DNAJC6: variants seen among roughly 807,000 people sequenced by gnomAD.
DNAJC6 encodes auxilin.
Under a neutral mutation model 110.0 loss-of-function variants are expected in DNAJC6, and 34 were observed. That is an observed-to-expected ratio of 0.31 (90% CI 0.24 to 0.41). DNAJC6 has a LOEUF of 0.41. Ranked by LOEUF, DNAJC6 falls within the 10% of genes least tolerant of loss-of-function variation. DNAJC6 has a pLI of 1.00. For missense variants in DNAJC6, 1,031 were observed against 1,207.8 expected, an observed-to-expected ratio of 0.85 and a Z score of 2.17; for synonymous variants, 406 against 437.2, an observed-to-expected ratio of 0.93 and a Z score of 0.89.
upstream of DNAJC6, chr1:65,309,418 G>C: frequency 2.3e-6 from 1 of 437,452 alleles, no homozygotes; most frequent in Non-Finnish European, 3.2e-6. Context: ...GCACTCCTCA[G>C]CCAGGAGGTG....
rs376133810 is a variant in DNAJC6 at position 65,290,587 on chromosome 1, ACTAT to A, written c.-131+25660_-131+25663del. ...AGCTTAAATAATAACTTTTCCACAA[ACTAT>A]CTATGTGATCTTCGGCAAGGCAGTT... On this transcript the variant is annotated intron_variant, in intron 1 of 19. Coordinates refer to the DNAJC6 transcript ENST00000263441. 3.7e-3 allele frequency among the ~76,000 whole-genome samples: 569 copies of A among 152,238 alleles called. 2 individuals are homozygous for A. The highest frequency in any genetic ancestry group is 0.013 in the African/African-American group (545 of 41,540).
rs539618971 is a variant in DNAJC6 at position 65,413,702 on chromosome 1, A to G, written c.*677A>G. 6.8e-4 allele frequency: 103 copies of G among 152,206 alleles called. No individual in the cohort carries two copies. The highest frequency in any genetic ancestry group is 2.4e-3 in the African/African-American group (100 of 41,542). The allele number at this position is 152,206 out of a possible 1,614,324, so 9.4% of individuals were successfully genotyped here. A position where few individuals can be genotyped will look rare whatever the true frequency, so the allele number is the denominator to read the frequency against. On this transcript the variant is annotated 3_prime_UTR_variant, in exon 19 of 19. Transcript: ENST00000371069. ...AAAATGGTGGCTAAAGAAAATAGGG[A>G]CTCTGAAGATGTCGAAATCTTTATT...
At position 65,392,440 on chromosome 1, in the gene DNAJC6, C is replaced by T. The variant is rs779000495; in HGVS notation, c.1478C>T (p.Ser493Leu). 2.9e-5 allele frequency: 47 copies of T among 1,595,154 alleles called. No homozygotes were observed. Among genetic ancestry groups the T allele is most frequent in the African/African-American group, 4.0e-5 (3 of 74,326 alleles). Reference sequence around the variant, plus strand: ...TACTGGCCTTCCTCAGATCAGAAATCGGAGAAGTCATTCTGTGAGGAGGAC... The same window carrying T: ...TACTGGCCTTCCTCAGATCAGAAATTGGAGAAGTCATTCTGTGAGGAGGAC... The part of the protein sequence containing the change: ...FASLCWQDQK[S>L]EKSFCEEDHA... The change falls in exon 12 of 19, where the codon TCG (serine) becomes TTG (leucine). Residue 493 changes from serine to leucine, a missense_variant. Ser to Leu is a moderately radical substitution (Grantham distance 145, BLOSUM62 -2). Coordinates refer to ENST00000371069, the MANE Select transcript of DNAJC6 (RefSeq NM_001256864.2).
rs4582839 is a variant in DNAJC6 at position 65,395,004 on chromosome 1, A to C, written c.2010A>C (p.Pro670=). Residue 670 remains proline (P), a synonymous_variant, in exon 13 of 19, where the codon CCA becomes CCC. Transcript: ENST00000371069. ...CTTCCAGTGACCCCTTTCTCCAGCC[A>C]ACAAGAAGTCCTTCGCCCACAGTAC... The part of the protein sequence containing the change: ...SSASSDPFLQ[P]TRSPSPTVHA... The C allele has an allele frequency of 0.61, 987,923 of 1,610,816 alleles. 309,344 individuals are homozygous for C. The highest frequency in any genetic ancestry group is 0.93 in the African/African-American group (69,569 of 74,810).
chr1:65,406,689 G>C (rs949786745), intron 16 of DNAJC6, among the ~76,000 whole-genome samples: 1 of 152,188 alleles, frequency 6.6e-6, no homozygotes, highest in African/African-American at 2.4e-5. Flanking sequence ...GGGTACCTAT[G>C]ATGGTGCCAA....
intron 1 of DNAJC6, among the ~76,000 whole-genome samples, chr1:65,265,731 G>T (rs1301361478): frequency 1.3e-5 from 2 of 152,166 alleles, no homozygotes; most frequent in African/African-American, 2.4e-5. Context: ...TAGGTCTCCG[G>T]AGGCTACACG....
chr1:65,329,153 A>AG (rs1342229757), intron 1 of DNAJC6, among the ~76,000 whole-genome samples: 1 of 152,094 alleles, frequency 6.6e-6, no homozygotes, highest in African/African-American at 2.4e-5. Flanking sequence ...GTGGCTTTTG[A>AG]TCCTGCCTGC....
At chr1:65,347,019 C>A (rs1242589038) in intron 1 of DNAJC6, among the ~76,000 whole-genome samples, 1 of 152,060 alleles carries the variant, frequency 6.6e-6, no homozygotes, top group African/African-American at 2.4e-5. Flanking sequence ...CTTGGTGTGT[C>A]TAAACAGTAG....
Position 65,309,814 on chromosome 1 carries a change from C to CTT in DNAJC6, c.69_70insTT (p.Ser24LeufsTer6). On this transcript the variant is annotated frameshift_variant, in exon 1 of 19. Coordinates refer to ENST00000371069, the MANE Select transcript of DNAJC6 (RefSeq NM_001256864.2). LOFTEE classifies it high-confidence loss of function. ...GTTATGAATCTTTGCAGCTGGTGGA[C>CTT]AGTAACGGGGACTTAAGTGCGGGAA... 6.5e-7 allele frequency: 1 copy of CTT among 1,549,736 alleles called. No homozygotes were observed. Among genetic ancestry groups the CTT allele is most frequent in the African/African-American group, 1.4e-5 (1 of 72,946 alleles).
chr1:65,286,335 C>T lies in DNAJC6; in HGVS notation c.-131+21403C>T, dbSNP rs181155255. On this transcript the variant is annotated intron_variant, in intron 1 of 19. Transcript: ENST00000263441. ...GATCATGGCTCACTGCGACCTCAAC[C>T]ACTGTGGCACAATCCATCCTCCCAC... Among the ~76,000 whole-genome samples, 581 of 152,188 alleles carry T rather than the reference C, an allele frequency of 3.8e-3. 2 individuals carry two copies. The highest frequency in any genetic ancestry group is 3.9e-3 in the Non-Finnish European group (267 of 68,000).
intron 4 of DNAJC6, among the ~76,000 whole-genome samples, chr1:65,366,453 G>C (rs1430886635): frequency 1.3e-5 from 2 of 152,172 alleles, no homozygotes; most frequent in Admixed American, 1.3e-4. Context: ...TTGGTGCCTG[G>C]TTGTTCCATG....
chr1:65,357,114 C>T (rs1007785083), intron 1 of DNAJC6, among the ~76,000 whole-genome samples: 14 of 152,138 alleles, frequency 9.2e-5, no homozygotes, highest in African/African-American at 3.4e-4. Context: ...ATGGCTTTTC[C>T]CTAGAGTGGG....
At chr1:65,297,598 G>A (rs1403521437) in intron 1 of DNAJC6, among the ~76,000 whole-genome samples, 2 of 152,180 alleles carry the variant, frequency 1.3e-5, no homozygotes, top group Non-Finnish European at 2.9e-5. Context: ...TAACCTTCAA[G>A]CTGCCCTTGT....
chr1:65,408,538 T>C (rs1570387872), intron 16 of DNAJC6, 103 bp from the exon 17 acceptor site: 1 of 1,295,910 alleles, frequency 7.7e-7, no homozygotes, highest in Non-Finnish European at 1.1e-6. Flanking sequence ...AAGGACTGAA[T>C]GCATATTAAA....
In DNAJC6 at chr1:65,309,846, G is replaced by A; in HGVS notation, c.101G>A (p.Gly34Glu). Residue 34 changes from glycine (G) to glutamate (E), a missense_variant, in exon 1 of 19, where the codon GGG (glycine) becomes GAG (glutamate). By Grantham distance (98) the Gly-to-Glu change is moderately conservative. Transcript: ENST00000371069. ...SNGDLSAGSG[G>E]VGGKQRVNAG... ...GGGGACTTAAGTGCGGGAAGCGGCG[G>A]GGTTGGCGGCAAGCAGAGAGTGAAC... 1 of 1,548,882 alleles carries A rather than the reference G, an allele frequency of 6.5e-7. No homozygotes were observed. Among genetic ancestry groups the A allele is most frequent in the Non-Finnish European group, 8.7e-7 (1 of 1,146,184 alleles).
chr1:65,391,325 T>A (rs901083425), intron 11 of DNAJC6, among the ~76,000 whole-genome samples: 1 of 152,166 alleles, frequency 6.6e-6, no homozygotes, highest in African/African-American at 2.4e-5. Context: ...GAATAAAGGA[T>A]GTGGATCCAT....
chr1:65,407,836 T>C (rs1646091964), intron 16 of DNAJC6, among the ~76,000 whole-genome samples: 1 of 152,202 alleles, frequency 6.6e-6, no homozygotes, highest in Non-Finnish European at 1.5e-5. Flanking sequence ...AGTATAGAGA[T>C]AGCAAATGGT....
At chr1:65,302,432 T>C (rs1343803029) in intron 1 of DNAJC6, among the ~76,000 whole-genome samples, 2 of 149,116 alleles carry the variant, frequency 1.3e-5, no homozygotes, top group Non-Finnish European at 3.0e-5. Flanking sequence ...GGGTCCACCC[T>C]CATGAATGGA....
intron 1 of DNAJC6, among the ~76,000 whole-genome samples, chr1:65,347,012 G>T (rs1645442930): frequency 6.6e-6 from 1 of 151,882 alleles, no homozygotes. Flanking sequence ...AATACTTCTT[G>T]GTGTGTCTAA....
Sources: allele counts gnomAD v4.1 joint callset (sites outside exome capture counted in the v4.1 genomes callset), GRCh38; gene constraint gnomAD v4.1.1; transcripts MANE v1.5; gene names NCBI Gene and HGNC (gene_info 2026-07-23, HGNC 2026-07-21).